The following ZMYM2 variants were observed in gnomAD, a reference collection of about 807,000 sequenced individuals.
ZMYM2 encodes zinc finger MYM-type protein 2.
In ZMYM2, 56 loss-of-function variants were observed where a neutral mutation model predicts 162.8. The observed-to-expected ratio is 0.34, with a 90% CI of 0.28 to 0.43. ZMYM2 has a LOEUF of 0.43. ZMYM2 is among the 20% of genes least tolerant of loss of function. The pLI, the probability that ZMYM2 is intolerant of heterozygous loss-of-function variation, is 1.00. For missense variants in ZMYM2, 1,275 were observed against 1,621.8 expected, an observed-to-expected ratio of 0.79 and a Z score of 3.67; for synonymous variants, 510 against 541.6, an observed-to-expected ratio of 0.94 and a Z score of 0.81.
intron 9 of ZMYM2, among the ~76,000 whole-genome samples, chr13:20,028,935 C>G (rs1250519731): frequency 2.6e-5 from 4 of 151,926 alleles, no homozygotes; most frequent in African/African-American, 9.7e-5. Context: ...AGCTTCATCT[C>G]TCTGCATATA....
At chr13:19,966,363 A>T (rs1429186119) in intron 2 of ZMYM2, among the ~76,000 whole-genome samples, 1 of 150,126 alleles carries the variant, frequency 6.7e-6, no homozygotes, top group Admixed American at 6.7e-5. Flanking sequence ...TGAACTCCCG[A>T]CCTCAGGTTA....
intron 6 of ZMYM2, among the ~76,000 whole-genome samples, chr13:20,011,409 A>G (rs182503710): frequency 6.6e-6 from 1 of 152,310 alleles, no homozygotes; most frequent in East Asian, 1.9e-4. Flanking sequence ...TCCTTTGAGC[A>G]TCATGTTGGT....
At chr13:19,864,526 A>C in the ZMYM2 span, 58 of 154,896 alleles carry the variant, frequency 3.7e-4, no homozygotes, top group Non-Finnish European at 6.7e-4. Flanking sequence ...GCCTCCATCA[A>C]CCAAGATGGA....
intron 2 of ZMYM2, chr13:19,970,197 A>G: frequency 3.0e-6 from 1 of 337,084 alleles, no homozygotes; most frequent in Non-Finnish European, 4.2e-6. Context: ...GAATAAATGA[A>G]TGTTTGATGA....
Position 20,088,534 on chromosome 13 carries a change from C to T in ZMYM2, c.*2520C>T, listed in dbSNP as rs992688750. The T allele has an allele frequency of 1.0e-5, 2 of 198,744 alleles. No individual in the cohort carries two copies. The highest frequency in any genetic ancestry group is 3.8e-4 in the South Asian group (2 of 5,242). The allele number at this position is 198,744 out of a possible 1,614,324, so 12.3% of individuals were successfully genotyped here. A position where few individuals can be genotyped will look rare whatever the true frequency, so the allele number is the denominator to read the frequency against. ...CATTGAAGAAAGTGGATTTCCCATG[C>T]AAATTGAATCTTCATTAACACATTT... On this transcript the variant is annotated 3_prime_UTR_variant, in exon 25 of 25. Transcript: ENST00000610343.
the ZMYM2 span, among the ~76,000 whole-genome samples, chr13:19,899,816 C>CAAAAAAAAAAAAAAAAA: frequency 2.2e-4 from 14 of 64,988 alleles, no homozygotes; most frequent in Non-Finnish European, 2.4e-4. Flanking sequence ...GACTCTGACT[C>CAAAAAAAAAAAAAAAAA]AAAAAAAAAA....
At chr13:20,016,934 C>T (rs1951681659) in intron 6 of ZMYM2, among the ~76,000 whole-genome samples, 1 of 152,108 alleles carries the variant, frequency 6.6e-6, no homozygotes, top group Non-Finnish European at 1.5e-5. Context: ...GCCCCTTTCT[C>T]TTCTTCTGAA....
chr13:19,899,784 T>G, the ZMYM2 span, among the ~76,000 whole-genome samples: 2 of 130,154 alleles, frequency 1.5e-5, no homozygotes, highest in Non-Finnish European at 3.1e-5. Context: ...GCCACTGCAC[T>G]TCAGCCTGGG....
At chr13:19,929,945 G>A in the ZMYM2 span, among the ~76,000 whole-genome samples, 2 of 152,288 alleles carry the variant, frequency 1.3e-5, no homozygotes, top group Middle Eastern at 6.8e-3. Flanking sequence ...TCCATGTGTT[G>A]TTTTAATAAT....
At chr13:20,050,195 C>CAT (rs1028877470) in intron 12 of ZMYM2, among the ~76,000 whole-genome samples, 3 of 151,628 alleles carry the variant, frequency 2.0e-5, no homozygotes, top group African/African-American at 7.2e-5. Flanking sequence ...CTTCATTTAA[C>CAT]ATTTATTCAG....
At chr13:19,884,630 C>T in the ZMYM2 span, among the ~76,000 whole-genome samples, 2 of 152,124 alleles carry the variant, frequency 1.3e-5, no homozygotes, top group South Asian at 4.2e-4. Flanking sequence ...TTAAAGGTGA[C>T]ACGTACTTAG....
intron 17 of ZMYM2, among the ~76,000 whole-genome samples, chr13:20,061,624 T>G (rs1273787880): frequency 6.6e-6 from 1 of 152,100 alleles, no homozygotes; most frequent in East Asian, 1.9e-4. Context: ...ACTCTTGCTC[T>G]GTTGCCCAGG....
At chr13:19,938,530 C>A in the ZMYM2 span, among the ~76,000 whole-genome samples, 1 of 151,864 alleles carries the variant, frequency 6.6e-6, no homozygotes, top group Non-Finnish European at 1.5e-5. Flanking sequence ...TATTTGGATT[C>A]ACTTTGAAAA....
rs150703420 is a variant in ZMYM2, at chr13:20,029,252, G to A, written c.1851+1934G>A. Reference sequence around the variant, plus strand: ...GCTGTGTCCTCACATGGTGAAGGTAGCGAATGAGCTCCCTCAGGCTTCTGT... The same window carrying A: ...GCTGTGTCCTCACATGGTGAAGGTAACGAATGAGCTCCCTCAGGCTTCTGT... On this transcript the variant is annotated intron_variant, in intron 9 of 24. Transcript: ENST00000610343. Among the ~76,000 whole-genome samples the A allele has an allele frequency of 7.5e-3, 1,145 of 152,338 alleles. 19 individuals are homozygous for A. The highest frequency in any genetic ancestry group is 0.026 in the African/African-American group (1,072 of 41,576).
chr13:20,039,705 T>A (rs1954061445), intron 12 of ZMYM2, among the ~76,000 whole-genome samples: 1 of 152,184 alleles, frequency 6.6e-6, no homozygotes, highest in African/African-American at 2.4e-5. Flanking sequence ...CTCGATTCCC[T>A]GATCTTGTGA....
At chr13:20,066,719 G>T in intron 19 of ZMYM2, 132 bp from the exon 20 acceptor site, 1 of 782,208 alleles carries the variant, frequency 1.3e-6, no homozygotes, top group Non-Finnish European at 1.8e-6. Flanking sequence ...TGTCCAAGTG[G>T]ACCCCTGCAG....
At chr13:19,980,752 CAAAAAAA>C (rs914320015) in intron 2 of ZMYM2, among the ~76,000 whole-genome samples, 869 of 31,206 alleles carry the variant, frequency 0.028, 15 homozygotes, top group African/African-American at 0.075. Flanking sequence ...GACTCCATCT[CAAAAAAA>C]AAAAAAAAAA....
the ZMYM2 span, among the ~76,000 whole-genome samples, chr13:19,888,497 ATT>A: frequency 6.6e-6 from 1 of 151,782 alleles, no homozygotes; most frequent in Non-Finnish European, 1.5e-5. Context: ...CTGTGCTTTT[ATT>A]TTATATAGGA....
chr13:20,019,666 C>T (rs1156251690), intron 7 of ZMYM2, 48 bp downstream of exon 7: 2 of 1,466,650 alleles, frequency 1.4e-6, no homozygotes, highest in African/African-American at 2.8e-5. Flanking sequence ...TTTTTGAGCA[C>T]TGCTACTACT....
Sources: gnomAD v4.1 joint callset for allele counts (sites outside exome capture counted in the v4.1 genomes callset) on GRCh38, gnomAD v4.1.1 for gene constraint, MANE v1.5 for transcripts, NCBI Gene and HGNC (gene_info 2026-07-23, HGNC 2026-07-21) for gene names.